Variants in TNS3 observed in about 807,000 individuals in gnomAD.
The protein encoded by TNS3 is tensin 3, also known as tensin-3.
TNS3 carries 45 observed loss-of-function variants against 140.9 expected under a neutral mutation model. That is an observed-to-expected ratio of 0.32 (90% CI 0.25 to 0.41). The LOEUF is 0.41. Ranked by LOEUF, TNS3 falls within the 10% of genes least tolerant of loss-of-function variation. The pLI is 1.00. For synonymous variants in TNS3, 815 were observed against 788.4 expected, an observed-to-expected ratio of 1.03 and a Z score of -0.56; for missense variants, 1,716 against 1,906.7, an observed-to-expected ratio of 0.90 and a Z score of 1.86.
At chr7:47,399,870 TCATCAGAGTAAACAGAACC>T (rs971659008) in intron 15 of TNS3, among the ~76,000 whole-genome samples, 6 of 151,524 alleles carry the variant, frequency 4.0e-5, no homozygotes, top group African/African-American at 1.5e-4. Flanking sequence ...AAAGAAATAA[TCATCAGAGTAAACAGAACC>T]CACAGAGTGA....
Position 47,369,393 on chromosome 7 carries a change from C to A in TNS3, c.1253G>T (p.Ser418Ile), listed in dbSNP as rs777986892. ...RLAPGTRRGL[S>I]AQEKAELDQL... is the part of the protein sequence containing the mutation. ...GTCCAACTCTGCCTTCTCCTGGGCA[C>A]TCAGGCCCCTCCTGGTTCCTGGGGC... is the stretch of plus-strand genomic sequence containing the variant. The change falls in exon 17 of 31, where the codon AGT becomes ATT. Residue 418 changes from serine to isoleucine, a missense_variant. Around this residue, in one of 3 missense-constraint regions of TNS3, gnomAD observed 1,163 missense variants for 1,182.1 expected, o/e 0.98. Transcript: ENST00000311160. The A allele has an allele frequency of 1.2e-6, 2 of 1,614,026 alleles. No homozygotes were observed. The highest frequency in any genetic ancestry group is 1.7e-6 in the Non-Finnish European group (2 of 1,179,998).
At chr7:47,557,656 C>T (rs1023034452) in intron 1 of TNS3, among the ~76,000 whole-genome samples, 22 of 151,998 alleles carry the variant, frequency 1.4e-4, no homozygotes, top group African/African-American at 2.9e-4. Context: ...TTTTAAGTGC[C>T]AACTGACTTC....
chr7:47,408,825 A>G (rs756456163), intron 13 of TNS3, among the ~76,000 whole-genome samples: 4 of 152,102 alleles, frequency 2.6e-5, no homozygotes, highest in Non-Finnish European at 4.4e-5. Context: ...TGTTTGTATA[A>G]TAACACCCCT....
At chr7:47,510,860 T>A (rs867316889) in intron 2 of TNS3, among the ~76,000 whole-genome samples, 2,685 of 128,298 alleles carry the variant, frequency 0.021, 110 homozygotes, top group African/African-American at 0.074. Flanking sequence ...AGACTGTCTT[T>A]AAAAAAAAAA....
intron 16 of TNS3, among the ~76,000 whole-genome samples, chr7:47,383,056 A>G (rs1236035537): frequency 1.3e-5 from 2 of 152,218 alleles, no homozygotes; most frequent in Admixed American, 6.5e-5. Context: ...GAAATTTCAA[A>G]AAGTAGTGGG....
At chr7:47,383,200 G>A (rs1003676725) in intron 16 of TNS3, among the ~76,000 whole-genome samples, 2 of 152,180 alleles carry the variant, frequency 1.3e-5, no homozygotes, top group African/African-American at 2.4e-5. Flanking sequence ...GGCAGAGTGT[G>A]GTGTGTCCAC....
intron 4 of TNS3, among the ~76,000 whole-genome samples, chr7:47,455,114 G>C (rs751963160): frequency 2.0e-5 from 3 of 152,182 alleles, no homozygotes; most frequent in Non-Finnish European, 4.4e-5. Flanking sequence ...CTGTCCACAT[G>C]GGATGTCGGG....
At chr7:47,333,627 G>A (rs910719800) in intron 20 of TNS3, among the ~76,000 whole-genome samples, 4 of 152,122 alleles carry the variant, frequency 2.6e-5, no homozygotes, top group African/African-American at 7.2e-5. Context: ...AAAGGGAGTC[G>A]AGTACAGGAA....
At chr7:47,502,414 G>C (rs1305130247) in intron 3 of TNS3, among the ~76,000 whole-genome samples, 2 of 152,224 alleles carry the variant, frequency 1.3e-5, no homozygotes, top group Non-Finnish European at 2.9e-5. Context: ...TCTAGGGACA[G>C]TTTCTGAAGA....
At chr7:47,298,957 G>A (rs1368732996) in intron 23 of TNS3, among the ~76,000 whole-genome samples, 3 of 152,176 alleles carry the variant, frequency 2.0e-5, no homozygotes, top group Non-Finnish European at 4.4e-5. Flanking sequence ...GTGCATGCCC[G>A]AGACTGCTGG....
rs1425351177 is a variant in TNS3 at position 47,303,478 on chromosome 7, C to G, written c.2929G>C (p.Gly977Arg). ...TGSPLSAEFS[G>R]TRKDSPVLSC... ...AGCACTGGGGAGTCCTTCCTGGTAC[C>G]GGAGAACTCAGCGCTGAGGGGACTT... Residue 977 changes from glycine (G) to arginine (R), a missense_variant, in exon 22 of 31, where the codon GGT becomes CGT. Transcript: ENST00000311160. 2 of 1,611,490 alleles carry G rather than the reference C, an allele frequency of 1.2e-6. No individual in the cohort carries two copies. The highest frequency in any genetic ancestry group is 1.7e-6 in the Non-Finnish European group (2 of 1,179,974).
intron 30 of TNS3, chr7:47,279,174 C>T (rs529223303): frequency 1.3e-5 from 2 of 152,436 alleles, no homozygotes; most frequent in Admixed American, 1.3e-4. Context: ...CCTGGACAGA[C>T]AAGCCATTTG....
intron 4 of TNS3, among the ~76,000 whole-genome samples, chr7:47,478,211 G>A (rs1427951516): frequency 6.6e-6 from 1 of 152,184 alleles, no homozygotes; most frequent in African/African-American, 2.4e-5. Context: ...CAGAGGGTTT[G>A]TTAAAGCACC....
At chr7:47,361,223 A>AAAAAAAAAAAAAAAAAAAAAAAAAC (rs1790308080) in intron 17 of TNS3, among the ~76,000 whole-genome samples, 1 of 149,380 alleles carries the variant, frequency 6.7e-6, no homozygotes, top group Non-Finnish European at 1.5e-5. Context: ...AAAAAAAAAA[A>AAAAAAAAAAAAAAAAAAAAAAAAAC]ACAAGCAAGG....
At chr7:47,420,826 G>A (rs1271159890) in intron 10 of TNS3, among the ~76,000 whole-genome samples, 7 of 152,152 alleles carry the variant, frequency 4.6e-5, no homozygotes, top group Non-Finnish European at 7.3e-5. Flanking sequence ...TTCTGAGCAG[G>A]CAAGAATTGA....
intron 3 of TNS3, 41 bp downstream of exon 3, chr7:47,506,866 C>T (rs1798435863): frequency 7.8e-7 from 1 of 1,278,794 alleles, no homozygotes; most frequent in African/African-American, 1.5e-5. Flanking sequence ...AAGGCCAAGT[C>T]AGCTATAAAA....
Position 47,302,349 on chromosome 7 carries a change from G to C in TNS3, c.3458-77C>G, listed in dbSNP as rs148828532. 3.3e-4 allele frequency: 406 copies of C among 1,237,714 alleles called. 1 individual carries two copies. In the African/African-American group the frequency reaches 5.4e-3, roughly 16 times the overall value. 76.7% of individuals were successfully genotyped at this position (1,237,714 alleles called of 1,614,324 possible). A position where few individuals can be genotyped will look rare whatever the true frequency, so the allele number is the denominator to read the frequency against. On this transcript the variant is annotated intron_variant, in intron 22 of 30. Coordinates refer to ENST00000311160, the MANE Select transcript of TNS3 (RefSeq NM_022748.12). The stretch of plus-strand genomic sequence containing the variant: ...CAACCTCTCATCTGCTGTGATCCCA[G>C]AAGTCCAAATCCCATGCCAAGGGCA...
In TNS3 at chr7:47,292,581, C is replaced by T. The variant is rs555128919; in HGVS notation, c.3850+247G>A. 7.2e-5 allele frequency among the ~76,000 whole-genome samples: 11 copies of T among 152,336 alleles called. No individual in the cohort carries two copies. The East Asian group carries it at 2.1e-3, about 29-fold the overall frequency. ...ATATTTTTAAACTACAGAATCTTTGCTCTATAGAAATCTTTCATCAAAATC... is the reference window on the plus strand; with the variant it reads ...ATATTTTTAAACTACAGAATCTTTGTTCTATAGAAATCTTTCATCAAAATC... On this transcript the variant is annotated intron_variant, in intron 26 of 30. Transcript: ENST00000311160.
At chr7:47,430,907 G>C (rs556641483) in intron 8 of TNS3, among the ~76,000 whole-genome samples, 2 of 151,970 alleles carry the variant, frequency 1.3e-5, no homozygotes, top group Admixed American at 6.6e-5. Context: ...ATTTTTAGTA[G>C]AGACGGAGTT....
Sources: allele counts gnomAD v4.1 joint callset (sites outside exome capture counted in the v4.1 genomes callset), GRCh38; gene constraint gnomAD v4.1.1; regional missense constraint gnomAD v4.1.1; transcripts MANE v1.5; gene names NCBI Gene and HGNC (gene_info 2026-07-23, HGNC 2026-07-21).